SAMMSON: variants seen among roughly 807,000 people sequenced by gnomAD.
SAMMSON encodes the protein survival associated mitochondrial melanoma specific oncogenic non-coding RNA.
intron 9 of SAMMSON, among the ~76,000 whole-genome samples, chr3:70,388,514 C>G (rs1024283355): frequency 6.6e-6 from 1 of 152,094 alleles, no homozygotes; most frequent in African/African-American, 2.4e-5. Flanking sequence ...TAATCCAACC[C>G]TCTTGTCCAT....
At chr3:70,013,878 AG>A (rs1263090377) in intron 3 of SAMMSON, 1 of 152,132 alleles carries the variant, frequency 6.6e-6, no homozygotes, top group Non-Finnish European at 1.5e-5. Flanking sequence ...TAAATTTCAG[AG>A]GTGTGGCTAG....
intron 3 of SAMMSON, among the ~76,000 whole-genome samples, chr3:70,051,151 A>G (rs1394606025): frequency 4.0e-5 from 6 of 148,664 alleles, no homozygotes; most frequent in East Asian, 2.0e-4. Context: ...AAAAAAAAAA[A>G]AAAAAAAAAG....
intron 9 of SAMMSON, among the ~76,000 whole-genome samples, chr3:70,366,490 A>G (rs9681244): frequency 0.052 from 2,171 of 41,746 alleles, 56 homozygotes; most frequent in African/African-American, 0.12. Flanking sequence ...TTGTGTTTTT[A>G]TGTTTTTTTT....
chr3:70,043,445 T>C (rs964240518), intron 3 of SAMMSON, among the ~76,000 whole-genome samples: 1 of 152,094 alleles, frequency 6.6e-6, no homozygotes, highest in African/African-American at 2.4e-5. Context: ...AAAATACACG[T>C]ACACATATTT....
chr3:70,021,026 A>G (rs1048526601), intron 3 of SAMMSON, among the ~76,000 whole-genome samples: 1 of 152,210 alleles, frequency 6.6e-6, no homozygotes, highest in African/African-American at 2.4e-5. Context: ...TTATGATGCC[A>G]TAGCTTCAAG....
rs34272654 is a variant in SAMMSON, at chr3:70,126,255, C to CTTTTTTTT, written n.507+54698_507+54705dup. On this transcript the variant is annotated intron_variant and non_coding_transcript_variant, in intron 4 of 9. Transcript: ENST00000642114. ...ATCGTCTTCAACAGGGTCATCAGAC[C>CTTTTTTTT]TTTTTTTTTTTTTTTCAGAGACTGG... 9 of 851,334 alleles carry CTTTTTTTT rather than the reference C, an allele frequency of 1.1e-5. 2 individuals carry two copies. Among genetic ancestry groups the CTTTTTTTT allele is most frequent in the Admixed American group, 5.4e-5 (2 of 36,886 alleles). 52.7% of individuals were successfully genotyped at this position (851,334 alleles called of 1,614,324 possible).
At chr3:70,289,872 T>C (rs890152062) in intron 6 of SAMMSON, among the ~76,000 whole-genome samples, 4 of 152,056 alleles carry the variant, frequency 2.6e-5, no homozygotes, top group Middle Eastern at 6.3e-3. Flanking sequence ...GGCTTCTGCA[T>C]TCTTCACGTA....
At chr3:70,232,155 G>A (rs1467139108) in intron 4 of SAMMSON, among the ~76,000 whole-genome samples, 3 of 152,150 alleles carry the variant, frequency 2.0e-5, no homozygotes, top group African/African-American at 2.4e-5. Flanking sequence ...TGCCCCAACC[G>A]TACACTCGAC....
chr3:70,233,436 T>C, intron 4 of SAMMSON, among the ~76,000 whole-genome samples: 1 of 152,210 alleles, frequency 6.6e-6, no homozygotes, highest in East Asian at 1.9e-4. Flanking sequence ...GCTGGCATTT[T>C]GATGATAAAG....
At chr3:70,073,012 A>G (rs773382282) in intron 4 of SAMMSON, among the ~76,000 whole-genome samples, 13 of 152,048 alleles carry the variant, frequency 8.5e-5, no homozygotes, top group Non-Finnish European at 1.9e-4. Context: ...TTCTGGTTCT[A>G]GCATTATCCT....
Position 70,429,011 on chromosome 3 carries a change from G to A in SAMMSON, n.234-33549G>A, listed in dbSNP as rs570799336. Reference sequence around the variant, plus strand: ...TTGGCTTTAATTGCCATTGCTTTTGGTGTATTAGTCATGAAGTCTTTGCCC... The same window carrying A: ...TTGGCTTTAATTGCCATTGCTTTTGATGTATTAGTCATGAAGTCTTTGCCC... On this transcript the variant is annotated intron_variant and non_coding_transcript_variant, in intron 2 of 3. Transcript: ENST00000641053. Among the ~76,000 whole-genome samples, 5 of 152,256 alleles carry A rather than the reference G, an allele frequency of 3.3e-5. No individual in the cohort carries two copies. In the South Asian group the frequency reaches 6.2e-4, roughly 19 times the overall value.
At chr3:70,333,825 G>C (rs1702642779) in intron 7 of SAMMSON, among the ~76,000 whole-genome samples, 1 of 152,152 alleles carries the variant, frequency 6.6e-6, no homozygotes, top group Admixed American at 6.5e-5. Context: ...GGAGTGACAG[G>C]ATAACCCAAT....
At chr3:70,004,821 G>A (rs527300227) in intron 1 of SAMMSON, among the ~76,000 whole-genome samples, 6 of 152,292 alleles carry the variant, frequency 3.9e-5, no homozygotes, top group Non-Finnish European at 7.4e-5. Context: ...CCATCCTTGA[G>A]TATCTTTCTC....
chr3:70,216,776 G>A (rs1197699065), intron 4 of SAMMSON, among the ~76,000 whole-genome samples: 1 of 152,026 alleles, frequency 6.6e-6, no homozygotes, highest in African/African-American at 2.4e-5. Context: ...TCCCAATCAG[G>A]GCAGATTTTG....
intron 3 of SAMMSON, among the ~76,000 whole-genome samples, chr3:70,064,907 T>C (rs116631785): frequency 1.2e-3 from 187 of 152,166 alleles, no homozygotes; most frequent in Non-Finnish European, 2.5e-3. Context: ...ATAAATAGGA[T>C]TTGATTGCTA....
At chr3:70,174,121 A>G (rs1303140089) in intron 4 of SAMMSON, among the ~76,000 whole-genome samples, 1 of 151,904 alleles carries the variant, frequency 6.6e-6, no homozygotes, top group Non-Finnish European at 1.5e-5. Context: ...TTAGGTTATG[A>G]ACAGATTTTG....
intron 7 of SAMMSON, among the ~76,000 whole-genome samples, chr3:70,300,723 T>C (rs1702338767): frequency 1.3e-5 from 2 of 152,112 alleles, no homozygotes; most frequent in African/African-American, 2.4e-5. Context: ...TCTTCTGTCA[T>C]AGAACAAGTA....
intron 4 of SAMMSON, among the ~76,000 whole-genome samples, chr3:70,152,600 G>T (rs1381082212): frequency 6.6e-6 from 1 of 151,922 alleles, no homozygotes; most frequent in Non-Finnish European, 1.5e-5. Flanking sequence ...ACTAAAAGTG[G>T]GTGGCAATGG....
At chr3:70,339,990 A>G (rs897188541) in intron 7 of SAMMSON, among the ~76,000 whole-genome samples, 3 of 152,108 alleles carry the variant, frequency 2.0e-5, no homozygotes, top group African/African-American at 7.2e-5. Flanking sequence ...AATAGCAAAG[A>G]CTTGGAACCA....
Sources: allele counts gnomAD v4.1 joint callset (sites outside exome capture counted in the v4.1 genomes callset), GRCh38; gene constraint gnomAD v4.1.1; transcripts MANE v1.5; gene names NCBI Gene and HGNC (gene_info 2026-07-23, HGNC 2026-07-21).